Variants in PCDHA10 observed in about 807,000 individuals in gnomAD.
PCDHA10 encodes the protein protocadherin alpha 10.
A neutral mutation model predicts 61.2 loss-of-function variants in PCDHA10; 45 were observed. The observed-to-expected ratio is 0.74, with a 90% CI of 0.58 to 0.94. The LOEUF is 0.94. Ranked by LOEUF, PCDHA10 falls within the 40% of genes least tolerant of loss-of-function variation. The pLI, the probability that PCDHA10 is intolerant of heterozygous loss-of-function variation, is 0.00. For synonymous variants in PCDHA10, 602 were observed against 548.8 expected (o/e 1.10, Z -1.35); for missense variants, 1,278 against 1,236.2 (o/e 1.03, Z -0.51).
chr5:140,875,318 C>G, intron 1 of PCDHA10: 1 of 1,427,508 alleles, frequency 7.0e-7, no homozygotes, highest in South Asian at 1.6e-5. Flanking sequence ...ACATTCCAAT[C>G]ATTCACGGAA....
intron 1 of PCDHA10, among the ~76,000 whole-genome samples, chr5:140,917,700 T>C (rs879971168): frequency 2.0e-5 from 3 of 152,166 alleles, no homozygotes; most frequent in Non-Finnish European, 4.4e-5. Flanking sequence ...GATCAGATAA[T>C]TGTAGGTGTG....
At chr5:140,883,830 A>G in intron 1 of PCDHA10, 5 of 1,612,532 alleles carry the variant, frequency 3.1e-6, no homozygotes, top group Non-Finnish European at 4.2e-6. Context: ...TACGCGCTGC[A>G]GCCGTTGGAC....
intron 1 of PCDHA10, chr5:140,884,812 G>A: frequency 9.0e-7 from 1 of 1,117,104 alleles, no homozygotes; most frequent in Non-Finnish European, 1.2e-6. Flanking sequence ...ACTCTGCTGT[G>A]GACATTATGT....
intron 1 of PCDHA10, chr5:140,860,137 A>C (rs941289854): frequency 1.3e-5 from 2 of 150,438 alleles, no homozygotes; most frequent in Non-Finnish European, 3.0e-5. Flanking sequence ...GTGTGTGTAT[A>C]TATATGTATA....
intron 1 of PCDHA10, among the ~76,000 whole-genome samples, chr5:140,936,994 TA>T (rs1472246875): frequency 6.6e-6 from 1 of 152,140 alleles, no homozygotes; most frequent in Non-Finnish European, 1.5e-5. Context: ...ACATTGACAA[TA>T]TTGAGACAGA....
At position 140,916,547 on chromosome 5, in the gene PCDHA10, T is replaced by A. The variant is rs541671578; in HGVS notation, c.2388+58111T>A. On this transcript the variant is annotated intron_variant, in intron 1 of 3. Transcript: ENST00000307360. ...TCCTTCCCACCAAGGCAATGGGTTT[T>A]CTATTTGTCCAGGGTGTGTCTAGAA... Among the ~76,000 whole-genome samples the A allele has an allele frequency of 2.0e-4, 31 of 152,324 alleles. 1 individual carries two copies. Among genetic ancestry groups the A allele is most frequent in the Non-Finnish European group, 3.4e-4 (23 of 68,020 alleles).
chr5:140,942,108 A>C (rs2093230471), intron 1 of PCDHA10, among the ~76,000 whole-genome samples: 1 of 152,238 alleles, frequency 6.6e-6, no homozygotes. Context: ...TCATATAATC[A>C]AACTTTATTA....
At chr5:140,884,158 G>T (rs376345503) in intron 1 of PCDHA10, 6 of 1,613,488 alleles carry the variant, frequency 3.7e-6, no homozygotes, top group Non-Finnish European at 5.1e-6. Context: ...ACACTGGCGA[G>T]ATCAGCACGA....
intron 1 of PCDHA10, among the ~76,000 whole-genome samples, chr5:140,944,781 G>T (rs1404959208): frequency 6.6e-6 from 1 of 152,114 alleles, no homozygotes; most frequent in Non-Finnish European, 1.5e-5. Context: ...TCCTGTTATT[G>T]TATTTTACAA....
intron 1 of PCDHA10, chr5:140,883,262 G>A (rs1211665444): frequency 6.2e-7 from 1 of 1,613,838 alleles, no homozygotes; most frequent in Non-Finnish European, 8.5e-7. Context: ...TCCAATGGCG[G>A]GTCATTGTAC....
At chr5:140,870,925 T>A (rs1554164841) in intron 1 of PCDHA10, 1 of 1,613,916 alleles carries the variant, frequency 6.2e-7, no homozygotes, top group South Asian at 1.1e-5. Flanking sequence ...GTGGCTTTCA[T>A]ATGAATTGCA....
intron 1 of PCDHA10, among the ~76,000 whole-genome samples, chr5:140,933,589 G>T (rs1369666636): frequency 8.6e-5 from 13 of 152,012 alleles, no homozygotes; most frequent in Non-Finnish European, 2.9e-5. Context: ...GGGTTTTTAG[G>T]TTGATTTGTC....
chr5:140,928,474 C>T, intron 1 of PCDHA10: 1 of 1,614,090 alleles, frequency 6.2e-7, no homozygotes, highest in Non-Finnish European at 8.5e-7. Flanking sequence ...AGTAGAAGGC[C>T]GGGATGGTGG....
chr5:140,992,393 A>C (rs2097508684), intron 3 of PCDHA10, among the ~76,000 whole-genome samples: 1 of 152,180 alleles, frequency 6.6e-6, no homozygotes, highest in South Asian at 2.1e-4. Context: ...TTCTGGACTT[A>C]GAGATATTGT....
At chr5:140,962,930 C>A (rs2095720492) in intron 1 of PCDHA10, among the ~76,000 whole-genome samples, 1 of 152,144 alleles carries the variant, frequency 6.6e-6, no homozygotes, top group South Asian at 2.1e-4. Flanking sequence ...TACTTCTCAA[C>A]CTCCTCTCCA....
At chr5:140,886,461 A>G (rs1434440381) in intron 1 of PCDHA10, among the ~76,000 whole-genome samples, 2 of 152,116 alleles carry the variant, frequency 1.3e-5, no homozygotes, top group African/African-American at 2.4e-5. Context: ...TCATATATAA[A>G]TGTTTTTAAA....
rs782690239 is a variant in PCDHA10, at chr5:140,858,305, C to G, written c.2257C>G (p.Arg753Gly). 1 of 1,597,172 alleles carries G rather than the reference C, an allele frequency of 6.3e-7. No individual in the cohort carries two copies. The highest frequency in any genetic ancestry group is 1.1e-5 in the South Asian group (1 of 90,428). ...VGSWSYSQQR[R>G]QRVCSGEGLP... ...GAGCTGGTCTTACTCGCAGCAGAGG[C>G]GGCAGAGGGTGTGTTCTGGGGAGGG... The change falls in exon 1 of 4, where the codon CGG (arginine) becomes GGG (glycine). Residue 753 changes from arginine to glycine, a missense_variant. Arg to Gly is a moderately radical substitution (Grantham distance 125). Coordinates refer to ENST00000307360, the MANE Select transcript of PCDHA10 (RefSeq NM_018901.4).
rs2153432469 is a variant in PCDHA10, at chr5:140,890,949, A to C, written c.2388+32513A>C. On this transcript the variant is annotated intron_variant, in intron 1 of 3. Transcript: ENST00000307360. The stretch of plus-strand genomic sequence containing the variant: ...CTTTAGTCCAAAGATGCTGGTGAGG[A>C]ATGATTTCAGGTTTTGTTTTTCTGA... 2.0e-5 allele frequency among the ~76,000 whole-genome samples: 3 copies of C among 152,248 alleles called. No individual in the cohort carries two copies. The South Asian group carries it at 6.2e-4, about 32-fold the overall frequency.
intron 1 of PCDHA10, among the ~76,000 whole-genome samples, chr5:140,925,132 T>G (rs2082347636): frequency 6.6e-6 from 1 of 151,168 alleles, no homozygotes; most frequent in Non-Finnish European, 1.5e-5. Context: ...GAAAAAAAAT[T>G]TCAAACATAC....
Sources: allele counts gnomAD v4.1 joint callset (sites outside exome capture counted in the v4.1 genomes callset), GRCh38; gene constraint gnomAD v4.1.1; transcripts MANE v1.5; gene names NCBI Gene and HGNC (gene_info 2026-07-23, HGNC 2026-07-21).